The following BCL6B variants were observed in gnomAD, a reference collection of about 807,000 sequenced individuals.
BCL6B encodes the protein B-cell CLL/lymphoma 6 member B protein.
BCL6B carries 28 observed loss-of-function variants against 44.6 expected under a neutral mutation model. That is an observed-to-expected ratio of 0.63 (90% CI 0.47 to 0.86). The LOEUF is 0.86. BCL6B is among the 40% of genes least tolerant of loss of function. The pLI, the probability that BCL6B is intolerant of heterozygous loss-of-function variation, is 0.00. For synonymous variants in BCL6B, 268 were observed against 263.6 expected (o/e 1.02, Z -0.16); for missense variants, 626 against 652.3 (o/e 0.96, Z 0.44).
In BCL6B at chr17:7,024,615, G is replaced by T; in HGVS notation, c.616G>T (p.Ala206Ser). The change falls in exon 4 of 9, where the codon GCC (alanine) becomes TCC (serine). Residue 206 changes from alanine (A) to serine (S), a missense_variant. Physicochemically the swap from Ala to Ser is moderately conservative, Grantham distance 99. Transcript: ENST00000293805. This position sits in a 1 kb window ranked among gnomAD's most constrained non-coding sequence, Gnocchi z 6.6. Reference protein sequence around the residue: ...KYKYIVLNSQASQAGSLVGER... With the variant: ...KYKYIVLNSQSSQAGSLVGER... ...CAAGTACATCGTGCTAAACTCTCAG[G>T]CCTCCCAAGCAGGGAGCCTGGTCGG... 6.2e-7 allele frequency: 1 copy of T among 1,614,164 alleles called. No individual in the cohort carries two copies. The highest frequency in any genetic ancestry group is 1.1e-5 in the South Asian group (1 of 91,080).
chr17:7,026,425 C>T, intron 5 of BCL6B, 32 bp from the exon 6 acceptor site: 1 of 1,610,352 alleles, frequency 6.2e-7, no homozygotes, highest in Non-Finnish European at 8.5e-7. Flanking sequence ...TCATTAATAA[C>T]TATGGTTGCC....
At chr17:7,023,297 C>G (rs1910178307) in intron 1 of BCL6B, 198 bp downstream of exon 1, 1 of 242,462 alleles carries the variant, frequency 4.1e-6, no homozygotes, top group Non-Finnish European at 8.0e-6. Context: ...GACGGCAGGC[C>G]GTGAGATCTC....
In BCL6B at chr17:7,028,981, G is replaced by C. The variant is rs1910382227; in HGVS notation, c.*1362G>C. 11 of 985,446 alleles carry C rather than the reference G, an allele frequency of 1.1e-5. No homozygotes were observed. Among genetic ancestry groups the C allele is most frequent in the Non-Finnish European group, 1.3e-5 (11 of 829,938 alleles). The allele number at this position is 985,446 out of a possible 1,614,324, so 61.0% of individuals were successfully genotyped here. On this transcript the variant is annotated 3_prime_UTR_variant, in exon 9 of 9. Coordinates refer to ENST00000293805, the MANE Select transcript of BCL6B (RefSeq NM_181844.4). ...CTTACCTTTTAAAAGCTGGGTCTGT[G>C]ACCTGGTCTTCCCATCCCTGCATTC...
chr17:7,027,611 G>A lies in BCL6B; in HGVS notation c.1432G>A (p.Gly478Arg), dbSNP rs781684513. The A allele has an allele frequency of 6.2e-7, 1 of 1,613,286 alleles. No homozygotes were observed. The highest frequency in any genetic ancestry group is 1.3e-5 in the African/African-American group (1 of 75,062). ...CAAAGTGCACTACCACATTCTCGGG[G>A]GGCCCTAGCTGAGCGCAGGCCCAGG... ...NTKVHYHILG[G>R]P Residue 478 changes from glycine (G) to arginine (R), a missense_variant, in exon 9 of 9, where the codon GGG becomes AGG. Physicochemically the swap from Gly to Arg is moderately radical, Grantham distance 125. Coordinates refer to ENST00000293805, the MANE Select transcript of BCL6B (RefSeq NM_181844.4).
In BCL6B at chr17:7,029,165, A is replaced by C. The variant is rs564476280; in HGVS notation, c.*1546A>C. 1 of 985,648 alleles carries C rather than the reference A, an allele frequency of 1.0e-6. No individual in the cohort carries two copies. The highest frequency in any genetic ancestry group is 6.1e-5 in the Admixed American group (1 of 16,292). The allele number at this position is 985,648 out of a possible 1,614,324, so 61.1% of individuals were successfully genotyped here. On this transcript the variant is annotated 3_prime_UTR_variant, in exon 9 of 9. Coordinates refer to ENST00000293805, the MANE Select transcript of BCL6B (RefSeq NM_181844.4). ...GCCAAAGGCCTGTTCTAGTTGACCA[A>C]GTTTCAAGTAGGATTAAGAGGTTGG...
At chr17:7,026,137 G>A (rs1217922442) in intron 5 of BCL6B, among the ~76,000 whole-genome samples, 1 of 152,112 alleles carries the variant, frequency 6.6e-6, no homozygotes, top group Non-Finnish European at 1.5e-5. Flanking sequence ...GGCCAGGATG[G>A]TCTCCATCTC....
At position 7,026,798 on chromosome 17, in the gene BCL6B, C is replaced by T; in HGVS notation, c.1148C>T (p.Pro383Leu). Residue 383 changes from proline (P) to leucine (L), a missense_variant, in exon 7 of 9, where the codon CCG becomes CTG. By Grantham distance (98) the Pro-to-Leu change is moderately conservative. Transcript: ENST00000293805. ...AGCCGCATCCATTCGGGAGAGAAGC[C>T]GTATAAGTGTGAGACGTGCGGCTCG... The part of the protein sequence containing the change: ...THSRIHSGEK[P>L]YKCETCGSRF... 1 of 1,614,112 alleles carries T rather than the reference C, an allele frequency of 6.2e-7. No individual in the cohort carries two copies. Among genetic ancestry groups the T allele is most frequent in the South Asian group, 1.1e-5 (1 of 91,088 alleles).
Position 7,023,727 on chromosome 17 carries a change from G to T in BCL6B, c.56G>T (p.Arg19Leu), listed in dbSNP as rs758073852. The T allele has an allele frequency of 6.2e-7, 1 of 1,613,234 alleles. No homozygotes were observed. Among genetic ancestry groups the T allele is most frequent in the South Asian group, 1.1e-5 (1 of 91,080 alleles). The change falls in exon 2 of 9, where the codon CGC (arginine) becomes CTC (leucine). Residue 19 changes from arginine to leucine, a missense_variant. Physicochemically the swap from Arg to Leu is moderately radical, Grantham distance 102. Transcript: ENST00000293805. ...GALGYVREFT[R>L]HSSDVLGNLN... is the part of the protein sequence containing the mutation. ...CTGGGCTACGTCCGCGAGTTCACTC[G>T]CCACTCCTCCGACGTGCTGGGCAAC...
chr17:7,027,141 A>C, intron 8 of BCL6B, 54 bp downstream of exon 8: 3 of 1,605,522 alleles, frequency 1.9e-6, no homozygotes. Flanking sequence ...TCCTTTGCCT[A>C]GGGGTGGGCT....
rs111964095 is a variant in BCL6B, at chr17:7,023,445, C to G, written c.-12-215C>G. 2.2e-3 allele frequency: 1,246 copies of G among 555,470 alleles called. 10 individuals carry two copies. The highest frequency in any genetic ancestry group is 0.021 in the African/African-American group (1,083 of 52,324). 34.4% of individuals were successfully genotyped at this position (555,470 alleles called of 1,614,324 possible). A position where few individuals can be genotyped will look rare whatever the true frequency, so the allele number is the denominator to read the frequency against. On this transcript the variant is annotated intron_variant, in intron 1 of 8. Transcript: ENST00000293805. ...CGACGCCGCGGTGTGGAACCTTCAA[C>G]TGGCTCCAAGCGCTGTGGGATCTGG...
At chr17:7,026,390 G>T in intron 5 of BCL6B, 67 bp from the exon 6 acceptor site, 2 of 1,552,896 alleles carry the variant, frequency 1.3e-6, no homozygotes, top group South Asian at 1.2e-5. Context: ...TGTGGTTTGA[G>T]GATTCAGTAG....
In BCL6B at chr17:7,023,776, G is replaced by A; in HGVS notation, c.105G>A (p.Gly35=). 1.2e-6 allele frequency: 2 copies of A among 1,608,528 alleles called. No individual in the cohort carries two copies. The highest frequency in any genetic ancestry group is 1.1e-5 in the South Asian group (1 of 90,988). ...LGNLNELRLR[G]ILTDVTLLVG... ...ACCTCAACGAGCTGCGCCTGCGCGG[G>A]ATCCTCACTGACGTCACGCTGCTGG... The change falls in exon 2 of 9, where the codon GGG becomes GGA. Residue 35 remains glycine, a synonymous_variant. Transcript: ENST00000293805.
chr17:7,029,123 G>T lies in BCL6B; in HGVS notation c.*1504G>T, dbSNP rs1387136241. On this transcript the variant is annotated 3_prime_UTR_variant, in exon 9 of 9. Transcript: ENST00000293805. Reference sequence around the variant, plus strand: ...TATTGTTGGCATTACAGATGTAAAAGATTGACTAGCCCATAGGCCAAAGGC... The same window carrying T: ...TATTGTTGGCATTACAGATGTAAAATATTGACTAGCCCATAGGCCAAAGGC... The T allele has an allele frequency of 1.0e-6, 1 of 985,524 alleles. No individual in the cohort carries two copies. 61.0% of individuals were successfully genotyped at this position (985,524 alleles called of 1,614,324 possible). A position where few individuals can be genotyped will look rare whatever the true frequency, so the allele number is the denominator to read the frequency against.
Position 7,023,711 on chromosome 17 carries a change from G to A in BCL6B, c.40G>A (p.Val14Ile). The A allele has an allele frequency of 6.2e-7, 1 of 1,613,096 alleles. No homozygotes were observed. Among genetic ancestry groups the A allele is most frequent in the South Asian group, 1.1e-5 (1 of 91,080 alleles). The change falls in exon 2 of 9, where the codon GTC becomes ATC. Residue 14 changes from valine (V) to isoleucine (I), a missense_variant. Coordinates refer to ENST00000293805, the MANE Select transcript of BCL6B (RefSeq NM_181844.4). ...PAAPEGALGY[V>I]REFTRHSSDV... ...CGCCCCGGAGGGAGCGCTGGGCTAC[G>A]TCCGCGAGTTCACTCGCCACTCCTC... is the stretch of plus-strand genomic sequence containing the variant.
chr17:7,023,390 G>A, intron 1 of BCL6B: 1 of 454,348 alleles, frequency 2.2e-6, no homozygotes, highest in Non-Finnish European at 3.9e-6. Context: ...AACCCAGGGC[G>A]ATGGGCGCGG....
chr17:7,023,944 C>G (rs932962045), intron 2 of BCL6B, 94 bp downstream of exon 2: 1 of 1,544,996 alleles, frequency 6.5e-7, no homozygotes, highest in Non-Finnish European at 8.8e-7. Context: ...CTTTCAGAAG[C>G]AGGAGGCGGA....
rs1470814684 is a variant in BCL6B at position 7,024,354 on chromosome 17, A to T, written c.402-47A>T. The T allele has an allele frequency of 1.2e-6, 2 of 1,613,168 alleles. No individual in the cohort carries two copies. The highest frequency in any genetic ancestry group is 1.7e-6 in the Non-Finnish European group (2 of 1,179,528). ...TCTGTGGGTGAGGTGTTAAGGGCAAAGGCAGAGTTTAGGAAATGGCACTAA... is the reference window on the plus strand; with the variant it reads ...TCTGTGGGTGAGGTGTTAAGGGCAATGGCAGAGTTTAGGAAATGGCACTAA... On this transcript the variant is annotated intron_variant, in intron 3 of 8. Coordinates refer to ENST00000293805, the MANE Select transcript of BCL6B (RefSeq NM_181844.4). The surrounding 1 kb of genome is among the most constrained non-coding windows in gnomAD (Gnocchi z 6.6).
At position 7,023,769 on chromosome 17, in the gene BCL6B, T is replaced by C. The variant is rs773796671; in HGVS notation, c.98T>C (p.Leu33Pro). Residue 33 changes from leucine (L) to proline (P), a missense_variant, in exon 2 of 9, where the codon CTG (leucine) becomes CCG (proline). Physicochemically the swap from Leu to Pro is moderately conservative, Grantham distance 98. Transcript: ENST00000293805. ...CTGGGCAACCTCAACGAGCTGCGCC[T>C]GCGCGGGATCCTCACTGACGTCACG... ...DVLGNLNELR[L>P]RGILTDVTLL... 1.9e-6 allele frequency: 3 copies of C among 1,605,526 alleles called. No homozygotes were observed. Among genetic ancestry groups the C allele is most frequent in the South Asian group, 2.2e-5 (2 of 90,890 alleles).
rs753239752 is a variant in BCL6B, at chr17:7,026,579, C to T, written c.1012C>T (p.Arg338Cys). The stretch of plus-strand genomic sequence containing the variant: ...GTGTCAGCTGTGCCGGTCTTCGTTC[C>T]GCTACAAGGGCAACCTTGCCAGTCA... Reference protein sequence around the residue: ...YKCQLCRSSFRYKGNLASHRT... With the variant: ...YKCQLCRSSFCYKGNLASHRT... The change falls in exon 6 of 9, where the codon CGC (arginine) becomes TGC (cysteine). Residue 338 changes from arginine to cysteine, a missense_variant. Transcript: ENST00000293805. 6.2e-6 allele frequency: 10 copies of T among 1,614,050 alleles called. No homozygotes were observed. The highest frequency in any genetic ancestry group is 2.2e-5 in the East Asian group (1 of 44,894).
Sources: allele counts gnomAD v4.1 joint callset (sites outside exome capture counted in the v4.1 genomes callset), GRCh38; gene constraint gnomAD v4.1.1; non-coding constraint Gnocchi (gnomAD v3.1); transcripts MANE v1.5; gene names NCBI Gene and HGNC (gene_info 2026-07-23, HGNC 2026-07-21).